MAP1B: variants seen among roughly 807,000 people sequenced by gnomAD.
MAP1B encodes microtubule associated protein 1B, also known as microtubule-associated protein 1B.
MAP1B carries 12 observed loss-of-function variants against 176.1 expected under a neutral mutation model. That is an observed-to-expected ratio of 0.07 (90% CI 0.04 to 0.11). The LOEUF (loss-of-function observed/expected upper bound fraction) is 0.11. MAP1B is among the 10% of genes least tolerant of loss of function. The pLI is 1.00. For missense variants in MAP1B, 2,523 were observed against 2,990.5 expected (o/e 0.84, Z 3.65); for synonymous variants, 1,044 against 1,135.0 (o/e 0.92, Z 1.61).
Position 72,199,093 on chromosome 5 carries a change from C to A in MAP1B, c.5738C>A (p.Thr1913Lys), listed in dbSNP as rs1412656404. 1 of 1,614,086 alleles carries A rather than the reference C, an allele frequency of 6.2e-7. No individual in the cohort carries two copies. ...TACTATGAGAAGATAGAGAGAACCACAAAATCTCCAAGTGACAGTGGCTAC... is the reference window on the plus strand; with the variant it reads ...TACTATGAGAAGATAGAGAGAACCAAAAAATCTCCAAGTGACAGTGGCTAC... The part of the protein sequence containing the change: ...GYYYEKIERT[T>K]KSPSDSGYSY... The change falls in exon 5 of 7, where the codon ACA (threonine) becomes AAA (lysine). Residue 1913 changes from threonine to lysine, a missense_variant. Coordinates refer to ENST00000296755, the MANE Select transcript of MAP1B (RefSeq NM_005909.5). This position sits in a 1 kb window ranked among gnomAD's most constrained non-coding sequence, Gnocchi z 4.2.
intron 2 of MAP1B, among the ~76,000 whole-genome samples, chr5:72,143,100 C>T (rs1244848954): frequency 6.6e-6 from 1 of 151,968 alleles, no homozygotes; most frequent in Non-Finnish European, 1.5e-5. Flanking sequence ...TGAGTGTGTG[C>T]AGTTGCTATA....
At chr5:72,135,194 G>C (rs1185426613) in intron 2 of MAP1B, among the ~76,000 whole-genome samples, 1 of 151,986 alleles carries the variant, frequency 6.6e-6, no homozygotes, top group Non-Finnish European at 1.5e-5. Flanking sequence ...ACTGGGCTAT[G>C]TAACTGTAGG....
chr5:72,143,425 T>C (rs1745984949), intron 2 of MAP1B, among the ~76,000 whole-genome samples: 1 of 152,190 alleles, frequency 6.6e-6, no homozygotes, highest in African/African-American at 2.4e-5. Context: ...TCATCCACAA[T>C]TGAATTATGT....
chr5:72,122,735 C>A (rs1180965975), intron 2 of MAP1B, among the ~76,000 whole-genome samples: 1 of 151,490 alleles, frequency 6.6e-6, no homozygotes, highest in East Asian at 1.9e-4. Context: ...TGGAACCACT[C>A]AGCATAGACA....
rs571283224 is a variant in MAP1B at position 72,186,131 on chromosome 5, G to A, written c.370-483G>A. ...AAGGGCATATGGGAGGGGTTGGTTT[G>A]GGACCCTAGTTTGGAACACCGTGCT... On this transcript the variant is annotated intron_variant, in intron 3 of 6. Transcript: ENST00000296755. This position sits in a 1 kb window ranked among gnomAD's most constrained non-coding sequence, Gnocchi z 4.3. 1.2e-3 allele frequency among the ~76,000 whole-genome samples: 180 copies of A among 152,208 alleles called. No individual in the cohort carries two copies. Among genetic ancestry groups the A allele is most frequent in the African/African-American group, 4.0e-3 (168 of 41,532 alleles).
At chr5:72,168,577 GAAC>G (rs2112190439) in intron 2 of MAP1B, among the ~76,000 whole-genome samples, 1 of 152,298 alleles carries the variant, frequency 6.6e-6, no homozygotes, top group Admixed American at 6.5e-5. Flanking sequence ...TTTCTTAAGA[GAAC>G]TTGTTACTTC....
At chr5:72,166,475 C>A (rs1428894687) in intron 2 of MAP1B, among the ~76,000 whole-genome samples, 1 of 152,202 alleles carries the variant, frequency 6.6e-6, no homozygotes, top group Non-Finnish European at 1.5e-5. Flanking sequence ...TCTCACTGAA[C>A]TGTGGCCCAC....
chr5:72,205,570 C>T lies in MAP1B; in HGVS notation c.*331C>T, dbSNP rs753263023. The T allele has an allele frequency of 4.9e-5, 10 of 206,156 alleles. No individual in the cohort carries two copies. The highest frequency in any genetic ancestry group is 2.1e-4 in the South Asian group (2 of 9,682). The allele number at this position is 206,156 out of a possible 1,614,324, so 12.8% of individuals were successfully genotyped here. A position where few individuals can be genotyped will look rare whatever the true frequency, so the allele number is the denominator to read the frequency against. ...ATTTGTCTTAGAGAGAGAGAGAGCG[C>T]GGGAGAGAGTGAGAGAGAGTGAGAG... On this transcript the variant is annotated 3_prime_UTR_variant, in exon 7 of 7. Transcript: ENST00000296755.
At chr5:72,147,588 G>A (rs74839122) in intron 2 of MAP1B, among the ~76,000 whole-genome samples, 276 of 152,272 alleles carry the variant, frequency 1.8e-3, no homozygotes, top group African/African-American at 6.4e-3. Flanking sequence ...GAAGCCCAGG[G>A]CAAGGCCTGC....
chr5:72,118,030 G>T (rs1020768723), intron 2 of MAP1B, among the ~76,000 whole-genome samples: 1 of 152,206 alleles, frequency 6.6e-6, no homozygotes, highest in Non-Finnish European at 1.5e-5. Flanking sequence ...GAAGCCTTTA[G>T]CTTTTCCTGA....
intron 4 of MAP1B, chr5:72,193,187 A>T (rs942073026): frequency 3.0e-6 from 1 of 337,008 alleles, no homozygotes; most frequent in African/African-American, 2.2e-5. Flanking sequence ...GATGCCAGAA[A>T]CCAGTAATTT....
chr5:72,207,826 T>A lies in MAP1B; in HGVS notation c.*2587T>A, dbSNP rs985513585. ...ATTTTTCTTTGACAGAAGATGCAAGTTATTTTCCAATTTCACAATTAAATG... is the reference window on the plus strand; with the variant it reads ...ATTTTTCTTTGACAGAAGATGCAAGATATTTTCCAATTTCACAATTAAATG... On this transcript the variant is annotated 3_prime_UTR_variant, in exon 7 of 7. Coordinates refer to ENST00000296755, the MANE Select transcript of MAP1B (RefSeq NM_005909.5). 1.3e-5 allele frequency: 2 copies of A among 152,234 alleles called. No individual in the cohort carries two copies. The highest frequency in any genetic ancestry group is 4.8e-5 in the African/African-American group (2 of 41,458). The allele number at this position is 152,234 out of a possible 1,614,324, so 9.4% of individuals were successfully genotyped here.
chr5:72,144,448 C>G (rs572032613), intron 2 of MAP1B, among the ~76,000 whole-genome samples: 1 of 152,154 alleles, frequency 6.6e-6, no homozygotes, highest in Non-Finnish European at 1.5e-5. Flanking sequence ...CAGGATGGTG[C>G]AGGGATGCGA....
chr5:72,115,941 G>A (rs1745428056), intron 2 of MAP1B, 142 bp downstream of exon 2: 6 of 603,512 alleles, frequency 9.9e-6, no homozygotes, highest in Non-Finnish European at 1.8e-5. Context: ...AGGTTAGCCA[G>A]CAGCCACAGT....
chr5:72,129,387 C>T (rs1685567632), intron 2 of MAP1B, among the ~76,000 whole-genome samples: 2 of 152,128 alleles, frequency 1.3e-5, no homozygotes. Flanking sequence ...GAAACCCTGT[C>T]TCTACTAAAA....
intron 1 of MAP1B, among the ~76,000 whole-genome samples, chr5:72,111,128 A>C (rs538154790): frequency 6.6e-6 from 1 of 152,156 alleles, no homozygotes; most frequent in African/African-American, 2.4e-5. Flanking sequence ...ATTAGCCCCC[A>C]GCATGGATTT....
Position 72,197,557 on chromosome 5 carries a change from C to G in MAP1B, c.4202C>G (p.Pro1401Arg), listed in dbSNP as rs371181351. 1 of 1,614,182 alleles carries G rather than the reference C, an allele frequency of 6.2e-7. No individual in the cohort carries two copies. The highest frequency in any genetic ancestry group is 8.5e-7 in the Non-Finnish European group (1 of 1,180,032). ...IEKVLSPLRS[P>R]PLIGSESAYE... is the part of the protein sequence containing the mutation. ...AAAGTTTTGTCTCCTTTACGCAGCC[C>G]GCCCCTCATTGGATCCGAGTCTGCT... Residue 1401 changes from proline (P) to arginine (R), a missense_variant, in exon 5 of 7, where the codon CCG becomes CGG. Physicochemically the swap from Pro to Arg is moderately radical, Grantham distance 103. Around this residue, in one of 4 missense-constraint regions of MAP1B, gnomAD observed 1,925 missense variants for 2,126.0 expected, o/e 0.91. Coordinates refer to ENST00000296755, the MANE Select transcript of MAP1B (RefSeq NM_005909.5).
chr5:72,182,336 C>A (rs898441722), intron 2 of MAP1B, among the ~76,000 whole-genome samples: 2 of 152,162 alleles, frequency 1.3e-5, no homozygotes, highest in East Asian at 3.8e-4. Flanking sequence ...CCATGTTTAT[C>A]CTTTTGTGTC....
Position 72,203,607 on chromosome 5 carries a change from G to A in MAP1B, c.7057G>A (p.Gly2353Ser). ...GACCAAGTCATCTGCTGTGCCCCCA[G>A]GCCTCCCTGTGTATTTGGACCTGTG... ...KTTKSSAVPP[G>S]LPVYLDLCYI... Residue 2353 changes from glycine (G) to serine (S), a missense_variant, in exon 6 of 7, where the codon GGC becomes AGC. Physicochemically the swap from Gly to Ser is moderately conservative, Grantham distance 56. Transcript: ENST00000296755. The A allele has an allele frequency of 1.9e-6, 3 of 1,614,190 alleles. No individual in the cohort carries two copies. The South Asian group carries it at 3.3e-5, about 18-fold the overall frequency.
Sources: gnomAD v4.1 joint callset for allele counts (sites outside exome capture counted in the v4.1 genomes callset) on GRCh38, gnomAD v4.1.1 for gene constraint, gnomAD v4.1.1 regional missense constraint, Gnocchi (gnomAD v3.1) non-coding constraint, MANE v1.5 for transcripts, NCBI Gene and HGNC (gene_info 2026-07-23, HGNC 2026-07-21) for gene names.